The following SH3RF3 variants were observed in gnomAD, a reference collection of about 807,000 sequenced individuals.
SH3RF3 encodes the protein SH3 domain containing ring finger 3.
In SH3RF3, 29 loss-of-function variants were observed where a neutral mutation model predicts 66.3. The ratio of observed to expected loss-of-function variants is 0.44; its 90% CI spans 0.33 to 0.60. The LOEUF (loss-of-function observed/expected upper bound fraction) is 0.60. Ranked by LOEUF, SH3RF3 falls within the 20% of genes least tolerant of loss-of-function variation. The pLI is 0.04. For synonymous variants in SH3RF3, 583 were observed against 532.0 expected, an observed-to-expected ratio of 1.10 and a Z score of -1.32; for missense variants, 1,194 against 1,190.9, an observed-to-expected ratio of 1.00 and a Z score of -0.04.
At chr2:109,430,859 C>G (rs930886664) in intron 5 of SH3RF3, among the ~76,000 whole-genome samples, 1 of 152,062 alleles carries the variant, frequency 6.6e-6, no homozygotes, top group Non-Finnish European at 1.5e-5. Flanking sequence ...GGGAAAGAAA[C>G]AAAGATGCCA....
chr2:109,146,713 C>A (rs1361449431), intron 1 of SH3RF3, among the ~76,000 whole-genome samples: 1 of 152,058 alleles, frequency 6.6e-6, no homozygotes, highest in East Asian at 1.9e-4. Flanking sequence ...GATTGGGGGG[C>A]CCCATAGAGT....
intron 4 of SH3RF3, among the ~76,000 whole-genome samples, chr2:109,402,235 A>G (rs1676335584): frequency 6.6e-6 from 1 of 152,228 alleles, no homozygotes. Flanking sequence ...GCGTCTGACC[A>G]GGAAGTGCCT....
intron 2 of SH3RF3, among the ~76,000 whole-genome samples, chr2:109,354,181 G>C (rs1217343594): frequency 6.6e-6 from 1 of 152,170 alleles, no homozygotes. Context: ...CCTTCTCCCT[G>C]CGACACAGAG....
At chr2:109,383,251 C>T (rs1446980463) in intron 3 of SH3RF3, among the ~76,000 whole-genome samples, 3 of 152,226 alleles carry the variant, frequency 2.0e-5, no homozygotes, top group Non-Finnish European at 4.4e-5. Context: ...ATGTTTGGTA[C>T]AGAAGAAACC....
intron 9 of SH3RF3, among the ~76,000 whole-genome samples, chr2:109,492,921 ACCCACAGGGAGAAGTGCCTTCCC>A (rs1252289691): frequency 5.3e-5 from 8 of 151,998 alleles, no homozygotes; most frequent in Non-Finnish European, 1.0e-4. Flanking sequence ...CTACAGCCAC[ACCCACAGGGAGAAGTGCCTTCCC>A]CTCTACAGGG....
chr2:109,394,539 C>T lies in SH3RF3; in HGVS notation c.946-4051C>T, dbSNP rs991612425. Reference sequence around the variant, plus strand: ...CCTCATGATGAATGGATAAAGTTACCGAGATGTTTAAAATATTGATGTTAT... The same window carrying T: ...CCTCATGATGAATGGATAAAGTTACTGAGATGTTTAAAATATTGATGTTAT... On this transcript the variant is annotated intron_variant, in intron 3 of 9. Coordinates refer to ENST00000309415, the MANE Select transcript of SH3RF3 (RefSeq NM_001099289.3). Among the ~76,000 whole-genome samples, 11 of 152,148 alleles carry T rather than the reference C, an allele frequency of 7.2e-5. No homozygotes were observed. In the South Asian group the frequency reaches 1.5e-3, roughly 20 times the overall value.
chr2:109,193,778 G>T (rs1414393722), intron 1 of SH3RF3, among the ~76,000 whole-genome samples: 2 of 152,188 alleles, frequency 1.3e-5, no homozygotes, highest in Admixed American at 6.5e-5. Flanking sequence ...AAAGGGAAAA[G>T]AACATTTGTG....
chr2:109,203,937 G>A (rs1321704661), intron 1 of SH3RF3, among the ~76,000 whole-genome samples: 1 of 152,196 alleles, frequency 6.6e-6, no homozygotes, highest in African/African-American at 2.4e-5. Context: ...TGGCCCCAAG[G>A]CCTCCCAGCA....
intron 1 of SH3RF3, among the ~76,000 whole-genome samples, chr2:109,170,497 C>T (rs1677752582): frequency 6.6e-6 from 1 of 152,020 alleles, no homozygotes; most frequent in African/African-American, 2.4e-5. Context: ...AGGCGCACAC[C>T]ACCATGCCTG....
chr2:109,398,698 G>T lies in SH3RF3; in HGVS notation c.1054G>T (p.Ala352Ser). The T allele has an allele frequency of 6.2e-7, 1 of 1,611,802 alleles. No individual in the cohort carries two copies. The highest frequency in any genetic ancestry group is 8.5e-7 in the Non-Finnish European group (1 of 1,179,180). ...TGACTCCGGCGCTGTGGCCAGCGTG[G>T]CCCCAAGTCCCACTTTAAGCAGCTC... ...PSDSGAVASV[A>S]PSPTLSSSGA... Residue 352 changes from alanine (A) to serine (S), a missense_variant, in exon 4 of 10, where the codon GCC becomes TCC. Ala to Ser is a moderately conservative substitution (Grantham distance 99). Transcript: ENST00000309415.
intron 1 of SH3RF3, among the ~76,000 whole-genome samples, chr2:109,251,102 A>G (rs1405141486): frequency 6.6e-6 from 1 of 152,020 alleles, no homozygotes; most frequent in East Asian, 1.9e-4. Flanking sequence ...CCTAGGTTCA[A>G]GTGATTCCCC....
chr2:109,132,110 G>T (rs544175564), intron 1 of SH3RF3, among the ~76,000 whole-genome samples: 69 of 152,324 alleles, frequency 4.5e-4, no homozygotes, highest in African/African-American at 1.6e-3. Flanking sequence ...AAAGTTGAAT[G>T]CTGGATGTTG....
Position 109,377,889 on chromosome 2 carries a change from C to T in SH3RF3, c.945+6208C>T, listed in dbSNP as rs145518621. Among the ~76,000 whole-genome samples, 255 of 152,282 alleles carry T rather than the reference C, an allele frequency of 1.7e-3. 1 individual carries two copies. Among genetic ancestry groups the T allele is most frequent in the East Asian group, 9.7e-3 (50 of 5,174 alleles). On this transcript the variant is annotated intron_variant, in intron 3 of 9. Coordinates refer to ENST00000309415, the MANE Select transcript of SH3RF3 (RefSeq NM_001099289.3). ...CTGCCTCTTAAGTATGCTCTTGAGACGTTTGGTGGTGACTTAAAGGCACAA... is the reference window on the plus strand; with the variant it reads ...CTGCCTCTTAAGTATGCTCTTGAGATGTTTGGTGGTGACTTAAAGGCACAA...
intron 1 of SH3RF3, among the ~76,000 whole-genome samples, chr2:109,323,250 G>A (rs1039747157): frequency 2.0e-5 from 3 of 152,194 alleles, no homozygotes; most frequent in African/African-American, 7.2e-5. Flanking sequence ...GTCTTGGGCT[G>A]GGAGTCATTG....
intron 1 of SH3RF3, among the ~76,000 whole-genome samples, chr2:109,266,928 C>T (rs2105307229): frequency 6.6e-6 from 1 of 152,332 alleles, no homozygotes; most frequent in South Asian, 2.1e-4. Context: ...GAGAGGATGT[C>T]TGTGAGCTGG....
intron 1 of SH3RF3, among the ~76,000 whole-genome samples, chr2:109,156,306 G>A (rs557135582): frequency 2.0e-5 from 3 of 152,274 alleles, no homozygotes; most frequent in East Asian, 3.9e-4. Flanking sequence ...TGTTTTCTCC[G>A]CCCCTCGCAT....
At chr2:109,318,076 A>G (rs1265526575) in intron 1 of SH3RF3, among the ~76,000 whole-genome samples, 1 of 149,704 alleles carries the variant, frequency 6.7e-6, no homozygotes, top group Non-Finnish European at 1.5e-5. Context: ...TTTCTAAGCC[A>G]TGAGCACGCT....
At chr2:109,227,030 A>G (rs1679389427) in intron 1 of SH3RF3, among the ~76,000 whole-genome samples, 1 of 152,134 alleles carries the variant, frequency 6.6e-6, no homozygotes, top group African/African-American at 2.4e-5. Context: ...ATGGTGGCCT[A>G]GCAGCTCCAC....
At chr2:109,493,142 C>T (rs927437071) in intron 9 of SH3RF3, among the ~76,000 whole-genome samples, 14,963 of 146,226 alleles carry the variant, frequency 0.1, 1,178 homozygotes, top group East Asian at 0.24. Flanking sequence ...ACCCCACATA[C>T]ATCATACAAA....
Sources: allele counts gnomAD v4.1 joint callset (sites outside exome capture counted in the v4.1 genomes callset), GRCh38; gene constraint gnomAD v4.1.1; transcripts MANE v1.5; gene names NCBI Gene and HGNC (gene_info 2026-07-23, HGNC 2026-07-21).